The following SERGEF variants were observed in gnomAD, a reference collection of about 807,000 sequenced individuals.
The protein encoded by SERGEF is secretion-regulating guanine nucleotide exchange factor.
SERGEF carries 51 observed loss-of-function variants against 50.0 expected under a neutral mutation model. That is an observed-to-expected ratio of 1.02 (90% CI 0.81 to 1.29). The LOEUF (loss-of-function observed/expected upper bound fraction) is 1.29, where lower values mean the gene tolerates loss of function less well. Among genes scored for constraint, SERGEF ranks in the 50% most tolerant of loss-of-function variants. SERGEF has a pLI of 0.00. For synonymous variants in SERGEF, 205 were observed against 212.4 expected (o/e 0.97, Z 0.30); for missense variants, 521 against 557.0 (o/e 0.94, Z 0.65).
At chr11:18,001,572 A>G (rs1853962659) in intron 4 of SERGEF, among the ~76,000 whole-genome samples, 1 of 152,218 alleles carries the variant, frequency 6.6e-6, no homozygotes, top group African/African-American at 2.4e-5. Context: ...TAACATCTCA[A>G]CTGTAACTTC....
At chr11:17,988,809 A>C (rs1430534678) in intron 7 of SERGEF, 54 bp from the exon 8 acceptor site, 2 of 1,540,314 alleles carry the variant, frequency 1.3e-6, no homozygotes, top group Non-Finnish European at 1.8e-6. Flanking sequence ...GTCCAAAATG[A>C]TGGAAAATAA....
intron 8 of SERGEF, among the ~76,000 whole-genome samples, chr11:17,972,635 C>G (rs550142371): frequency 5.3e-5 from 8 of 152,210 alleles, no homozygotes; most frequent in Admixed American, 4.6e-4. Flanking sequence ...TTGTGTGACT[C>G]GCTTTATTGG....
intron 10 of SERGEF, among the ~76,000 whole-genome samples, chr11:17,816,601 T>C (rs954253075): frequency 2.0e-5 from 3 of 152,212 alleles, no homozygotes; most frequent in African/African-American, 4.8e-5. Flanking sequence ...ATACTGAAGT[T>C]TGGCACATAG....
At chr11:17,935,860 A>G (rs546791493) in intron 9 of SERGEF, among the ~76,000 whole-genome samples, 2 of 152,336 alleles carry the variant, frequency 1.3e-5, no homozygotes, top group Admixed American at 1.3e-4. Context: ...TAAAGAATAC[A>G]GTATATTAGC....
chr11:17,797,092 C>T (rs1849584487), intron 10 of SERGEF, among the ~76,000 whole-genome samples: 1 of 152,212 alleles, frequency 6.6e-6, no homozygotes, highest in Non-Finnish European at 1.5e-5. Context: ...CTGGCCACTT[C>T]TCACCAGTGC....
intron 10 of SERGEF, chr11:17,855,218 G>A (rs921043176): frequency 6.6e-6 from 1 of 152,198 alleles, no homozygotes; most frequent in African/African-American, 2.4e-5. Flanking sequence ...GGGGGAGTAG[G>A]AGAGCCAGAG....
chr11:17,875,046 T>C lies in SERGEF; in HGVS notation c.1048+3162A>G, dbSNP rs575602254. ...CAATAATATTATATCCCAGATGAGG[T>C]GATCAAGACATAGAGAAGGTAAGCC... On this transcript the variant is annotated intron_variant, in intron 10 of 10. Transcript: ENST00000265965. Among the ~76,000 whole-genome samples the C allele has an allele frequency of 1.6e-4, 24 of 152,252 alleles. No individual in the cohort carries two copies. In the South Asian group the frequency reaches 4.8e-3, roughly 30 times the overall value.
chr11:17,952,387 T>C (rs1852788979), intron 9 of SERGEF, among the ~76,000 whole-genome samples: 1 of 152,192 alleles, frequency 6.6e-6, no homozygotes, highest in South Asian at 2.1e-4. Flanking sequence ...TCTCTTCACA[T>C]ATCCCCTTGT....
chr11:18,004,909 G>T (rs1176305281), intron 3 of SERGEF, among the ~76,000 whole-genome samples: 2 of 152,136 alleles, frequency 1.3e-5, no homozygotes, highest in East Asian at 1.9e-4. Context: ...CTTTCTAGGG[G>T]ACAGCGGTCA....
intron 8 of SERGEF, among the ~76,000 whole-genome samples, chr11:17,965,659 G>A (rs1467522762): frequency 1.3e-5 from 2 of 152,180 alleles, no homozygotes; most frequent in East Asian, 3.9e-4. Flanking sequence ...CCATGACACT[G>A]GGGACTGGCT....
chr11:18,001,698 A>G (rs918622950), intron 4 of SERGEF, among the ~76,000 whole-genome samples: 1 of 152,236 alleles, frequency 6.6e-6, no homozygotes, highest in Non-Finnish European at 1.5e-5. Flanking sequence ...AGCAATAGAT[A>G]ACTAATGAAG....
intron 8 of SERGEF, among the ~76,000 whole-genome samples, chr11:17,977,190 C>T (rs377179514): frequency 1.4e-4 from 21 of 152,242 alleles, no homozygotes; most frequent in African/African-American, 5.1e-4. Flanking sequence ...CCTTGTGGGG[C>T]TCACATTCGG....
intron 5 of SERGEF, among the ~76,000 whole-genome samples, chr11:17,996,826 A>G (rs1380146394): frequency 6.6e-6 from 1 of 152,234 alleles, no homozygotes; most frequent in African/African-American, 2.4e-5. Context: ...GAAAAAAAAA[A>G]AGAGGAAAAA....
intron 10 of SERGEF, among the ~76,000 whole-genome samples, chr11:17,841,126 G>T (rs957610377): frequency 4.6e-5 from 7 of 152,222 alleles, no homozygotes; most frequent in South Asian, 2.1e-4. Context: ...GAGTCCTCAG[G>T]CCAGCTACCA....
At chr11:17,983,669 T>C (rs1853536002) in intron 8 of SERGEF, among the ~76,000 whole-genome samples, 1 of 150,524 alleles carries the variant, frequency 6.6e-6, no homozygotes, top group Non-Finnish European at 1.5e-5. Flanking sequence ...GCTTACAGTC[T>C]AGTGGGAAAG....
At chr11:17,835,694 A>G (rs1850385496) in intron 10 of SERGEF, among the ~76,000 whole-genome samples, 1 of 152,232 alleles carries the variant, frequency 6.6e-6, no homozygotes, top group Admixed American at 6.5e-5. Flanking sequence ...TCAAATCCCA[A>G]TTAAAATCCC....
In SERGEF at chr11:17,959,734, T is replaced by G. The variant is rs991821675; in HGVS notation, c.845-98A>C. 6 of 1,052,458 alleles carry G rather than the reference T, an allele frequency of 5.7e-6. No homozygotes were observed. The Admixed American group carries it at 1.2e-4, about 22-fold the overall frequency. The allele number at this position is 1,052,458 out of a possible 1,614,324, so 65.2% of individuals were successfully genotyped here. A position where few individuals can be genotyped will look rare whatever the true frequency, so the allele number is the denominator to read the frequency against. ...AGAGAAAGTGTGACATTTATTTTAGTACCACCTACCAGGAGCCTTCCTATC... is the reference window on the plus strand; with the variant it reads ...AGAGAAAGTGTGACATTTATTTTAGGACCACCTACCAGGAGCCTTCCTATC... On this transcript the variant is annotated intron_variant, in intron 8 of 10. Coordinates refer to ENST00000265965, the MANE Select transcript of SERGEF (RefSeq NM_012139.4).
chr11:17,848,555 A>G (rs900150288), intron 10 of SERGEF, among the ~76,000 whole-genome samples: 10 of 152,172 alleles, frequency 6.6e-5, no homozygotes, highest in African/African-American at 2.4e-4. Context: ...TTCCCAGTAT[A>G]TTTTTCATAT....
intron 9 of SERGEF, among the ~76,000 whole-genome samples, chr11:17,892,176 C>G (rs1851544171): frequency 6.6e-6 from 1 of 152,102 alleles, no homozygotes; most frequent in East Asian, 1.9e-4. Flanking sequence ...ATGAATGTCC[C>G]CAATTCTTAC....
Sources: allele counts gnomAD v4.1 joint callset (sites outside exome capture counted in the v4.1 genomes callset), GRCh38; gene constraint gnomAD v4.1.1; transcripts MANE v1.5; gene names NCBI Gene and HGNC (gene_info 2026-07-23, HGNC 2026-07-21).